Variants in KDM2B observed in about 807,000 individuals in gnomAD.
The protein encoded by KDM2B is lysine demethylase 2B.
A neutral mutation model predicts 150.0 loss-of-function variants in KDM2B; 26 were observed. The ratio of observed to expected loss-of-function variants is 0.17; its 90% CI spans 0.13 to 0.24. KDM2B has a LOEUF of 0.24. Ranked by LOEUF, KDM2B falls within the 10% of genes least tolerant of loss-of-function variation. The pLI is 1.00. For synonymous variants in KDM2B, 734 were observed against 729.5 expected, an observed-to-expected ratio of 1.01 and a Z score of -0.10; for missense variants, 1,265 against 1,816.9, an observed-to-expected ratio of 0.70 and a Z score of 5.52.
chr12:121,410,265 G>A, the KDM2B span, among the ~76,000 whole-genome samples: 6 of 151,982 alleles, frequency 3.9e-5, no homozygotes, highest in South Asian at 6.2e-4. Context: ...TGGGGCTGGC[G>A]TGGTGGCTCA....
chr12:121,580,727 C>T, intron 1 of KDM2B, 59 bp downstream of exon 1: 1 of 1,582,362 alleles, frequency 6.3e-7, no homozygotes, highest in South Asian at 1.2e-5. Context: ...CGTTCCTGCC[C>T]TCATTGCCCA....
At chr12:121,563,421 A>G (rs1890479211) in intron 4 of KDM2B, among the ~76,000 whole-genome samples, 1 of 151,908 alleles carries the variant, frequency 6.6e-6, no homozygotes, top group Non-Finnish European at 1.5e-5. Flanking sequence ...AGCCTGGCCA[A>G]TATGGTGAAA....
rs2141530952 is a variant in KDM2B at position 121,533,229 on chromosome 12, A to T, written c.778-270T>A. ...GGGAGTACTTCCTGGACTGGGTGGG[A>T]CATGCTTTCTCCCGAACCACAGGCT... On this transcript the variant is annotated intron_variant, in intron 7 of 22. Coordinates refer to ENST00000377071, the MANE Select transcript of KDM2B (RefSeq NM_032590.5). This position sits in a 1 kb window ranked among gnomAD's most constrained non-coding sequence, Gnocchi z 4.1. Among the ~76,000 whole-genome samples the T allele has an allele frequency of 6.6e-6, 1 of 152,276 alleles. No individual in the cohort carries two copies. The highest frequency in any genetic ancestry group is 2.4e-5 in the African/African-American group (1 of 41,548).
chr12:121,580,533 C>G (rs1891893099), intron 1 of KDM2B: 5 of 1,223,448 alleles, frequency 4.1e-6, no homozygotes, highest in Admixed American at 4.4e-5. Context: ...TTTGGAGGGC[C>G]GAGTTGCAGG....
intron 4 of KDM2B, among the ~76,000 whole-genome samples, chr12:121,566,425 C>T (rs1266050010): frequency 1.3e-5 from 2 of 152,072 alleles, no homozygotes; most frequent in African/African-American, 4.8e-5. Flanking sequence ...AGTTCGAGAC[C>T]ATCCTGGCCA....
intron 12 of KDM2B, chr12:121,494,263 A>C (rs1172476784): frequency 6.6e-6 from 2 of 302,488 alleles, no homozygotes; most frequent in South Asian, 8.3e-5. Flanking sequence ...AAAAGGGAAA[A>C]GGAAGGGAAG....
Position 121,520,952 on chromosome 12 carries a change from C to T in KDM2B, c.1047+33G>A, listed in dbSNP as rs550350046. 7.1e-6 allele frequency: 11 copies of T among 1,545,600 alleles called. No homozygotes were observed. Among genetic ancestry groups the T allele is most frequent in the Middle Eastern group, 1.7e-4 (1 of 5,850 alleles). On this transcript the variant is annotated intron_variant, in intron 9 of 22. Transcript: ENST00000377071. The surrounding 1 kb of genome is among the most constrained non-coding windows in gnomAD (Gnocchi z 4.5). Reference sequence around the variant, plus strand: ...GCACCGGCAGAGCTCAGGGGCCAGGCGCGCACGCGAGGACAGAAGGGAACC... The same window carrying T: ...GCACCGGCAGAGCTCAGGGGCCAGGTGCGCACGCGAGGACAGAAGGGAACC...
chr12:121,505,922 C>T (rs1352940764), intron 11 of KDM2B, among the ~76,000 whole-genome samples: 7 of 152,176 alleles, frequency 4.6e-5, no homozygotes, highest in Non-Finnish European at 8.8e-5. Context: ...GGCGACAGAG[C>T]GTACATCTGG....
At chr12:121,457,525 G>C (rs1031779875) in intron 12 of KDM2B, among the ~76,000 whole-genome samples, 6 of 152,060 alleles carry the variant, frequency 3.9e-5, no homozygotes, top group Non-Finnish European at 8.8e-5. Flanking sequence ...GCCTCCTGAA[G>C]TGCTGGGGTT....
intron 12 of KDM2B, among the ~76,000 whole-genome samples, chr12:121,479,549 G>A (rs1316966405): frequency 6.6e-6 from 1 of 152,006 alleles, no homozygotes; most frequent in African/African-American, 2.4e-5. Flanking sequence ...AGCTACTTGG[G>A]CCCAGAAGTT....
Position 121,430,977 on chromosome 12 carries a change from G to A in KDM2B, c.3830-508C>T, listed in dbSNP as rs751687235. Among the ~76,000 whole-genome samples the A allele has an allele frequency of 1.3e-5, 2 of 152,248 alleles. No homozygotes were observed. The highest frequency in any genetic ancestry group is 1.9e-4 in the East Asian group (1 of 5,186). On this transcript the variant is annotated intron_variant, in intron 22 of 22. Coordinates refer to ENST00000377071, the MANE Select transcript of KDM2B (RefSeq NM_032590.5). The surrounding 1 kb of genome is among the most constrained non-coding windows in gnomAD (Gnocchi z 4.4). ...GGGATCATTTTTGCTTTTGCAGGCC[G>A]CAGTGCTTTGGAGCAATTCACAGCA...
intron 22 of KDM2B, chr12:121,433,027 G>C (rs1555285902): frequency 2.4e-6 from 1 of 417,776 alleles, no homozygotes; most frequent in Non-Finnish European, 4.7e-6. Context: ...CCTGTCGGTG[G>C]TAAGGCAGCA....
intron 8 of KDM2B, chr12:121,524,805 A>C (rs1886995114): frequency 2.6e-6 from 1 of 378,958 alleles, no homozygotes; most frequent in African/African-American, 2.1e-5. Flanking sequence ...TGAAGGCAAT[A>C]AACAGAGGCT....
At chr12:121,580,252 TGGG>T (rs375094381) in intron 1 of KDM2B, 2 of 838,408 alleles carry the variant, frequency 2.4e-6, no homozygotes, top group Non-Finnish European at 2.9e-6. Context: ...TCAGCAGTTG[TGGG>T]GGGGGGGAGG....
intron 11 of KDM2B, among the ~76,000 whole-genome samples, chr12:121,506,707 G>A (rs2140778142): frequency 6.6e-6 from 1 of 152,250 alleles, no homozygotes; most frequent in South Asian, 2.1e-4. Context: ...GGAGGCCGAG[G>A]CGGGCGAATC....
At chr12:121,538,198 ACGCGGGCCGG>A (rs1248948126) in intron 6 of KDM2B, among the ~76,000 whole-genome samples, 1 of 151,670 alleles carries the variant, frequency 6.6e-6, no homozygotes, top group Non-Finnish European at 1.5e-5. Flanking sequence ...CCGGGAAGCA[ACGCGGGCCGG>A]CGCCAGGAGA....
At chr12:121,425,789 C>CAA (rs1180648276), downstream of KDM2B, among the ~76,000 whole-genome samples, 1 of 144,926 alleles carries the variant, frequency 6.9e-6, no homozygotes, top group Non-Finnish European at 1.5e-5. Context: ...TTTTTTGAGA[C>CAA]AGAGTCTCGC....
chr12:121,436,246 A>G (rs990001409), intron 22 of KDM2B, among the ~76,000 whole-genome samples: 1 of 152,196 alleles, frequency 6.6e-6, no homozygotes, highest in Non-Finnish European at 1.5e-5. Flanking sequence ...TTGTGGCCGG[A>G]CGCGGTGGCT....
chr12:121,480,057 T>C (rs1881922041), intron 12 of KDM2B, among the ~76,000 whole-genome samples: 1 of 152,094 alleles, frequency 6.6e-6, no homozygotes, highest in Non-Finnish European at 1.5e-5. Flanking sequence ...TAGCTAGCAC[T>C]TCAGGTGTCG....
Sources: allele counts gnomAD v4.1 joint callset (sites outside exome capture counted in the v4.1 genomes callset), GRCh38; gene constraint gnomAD v4.1.1; non-coding constraint Gnocchi (gnomAD v3.1); transcripts MANE v1.5; gene names NCBI Gene and HGNC (gene_info 2026-07-23, HGNC 2026-07-21).